The following CHCHD6 variants were observed in gnomAD, a reference collection of about 807,000 sequenced individuals.
The protein encoded by CHCHD6 is coiled-coil-helix-coiled-coil-helix domain containing 6, also known as MICOS complex subunit MIC25.
In CHCHD6, 28 loss-of-function variants were observed where a neutral mutation model predicts 32.3. The ratio of observed to expected loss-of-function variants is 0.87; its 90% CI spans 0.64 to 1.19. The LOEUF is 1.19. CHCHD6 is among the 50% of genes most tolerant of loss of function. The pLI, the probability that CHCHD6 is intolerant of heterozygous loss-of-function variation, is 0.00. For synonymous variants in CHCHD6, 122 were observed against 117.5 expected (o/e 1.04, Z -0.25); for missense variants, 333 against 307.0 (o/e 1.08, Z -0.63).
Position 126,852,634 on chromosome 3 carries a change from C to T in CHCHD6, c.412-13C>T. The T allele has an allele frequency of 6.2e-7, 1 of 1,610,886 alleles. No individual in the cohort carries two copies. On this transcript the variant is annotated splice_polypyrimidine_tract_variant and intron_variant, in intron 4 of 7. Coordinates refer to ENST00000290913, the MANE Select transcript of CHCHD6 (RefSeq NM_032343.3). ...GCTGCTGGCTAACGTGGGCTTTGTT[C>T]TCTTCCAAGCAGGCCAGGGAGCTGG...
At chr3:126,854,891 G>A (rs1380181863) in intron 5 of CHCHD6, 10 of 152,204 alleles carry the variant, frequency 6.6e-5, no homozygotes, top group Admixed American at 5.9e-4. Context: ...GTGGAATCCT[G>A]CGGCCGTCCA....
chr3:126,824,019 G>GAGCTATAATCGCCACACCACTGC, intron 4 of CHCHD6, among the ~76,000 whole-genome samples: 1 of 152,244 alleles, frequency 6.6e-6, no homozygotes, highest in South Asian at 2.1e-4. Flanking sequence ...AGGCTACAGT[G>GAGCTATAATCGCCACACCACTGC]AGCTATAATC....
chr3:126,790,053 G>A (rs1393896963), intron 4 of CHCHD6, among the ~76,000 whole-genome samples: 1 of 152,050 alleles, frequency 6.6e-6, no homozygotes, highest in Non-Finnish European at 1.5e-5. Flanking sequence ...TTGCTTGTCT[G>A]TAAAGGATTT....
chr3:126,954,383 C>T (rs1191590297), intron 6 of CHCHD6, among the ~76,000 whole-genome samples: 5 of 152,220 alleles, frequency 3.3e-5, no homozygotes, highest in Non-Finnish European at 4.4e-5. Context: ...GCTGTGTCTT[C>T]CTGCACATCG....
At chr3:126,836,282 G>C (rs1406049759) in intron 4 of CHCHD6, among the ~76,000 whole-genome samples, 2 of 152,158 alleles carry the variant, frequency 1.3e-5, no homozygotes, top group African/African-American at 2.4e-5. Context: ...TGTCATGTTT[G>C]TTCCCACTCA....
At chr3:126,867,054 T>C (rs1008023012) in intron 5 of CHCHD6, among the ~76,000 whole-genome samples, 5 of 152,228 alleles carry the variant, frequency 3.3e-5, no homozygotes, top group African/African-American at 1.2e-4. Context: ...GACCCCAGCC[T>C]GGATTTCATG....
chr3:126,944,439 G>A (rs1437618279), intron 6 of CHCHD6, among the ~76,000 whole-genome samples: 3 of 152,246 alleles, frequency 2.0e-5, no homozygotes, highest in African/African-American at 7.2e-5. Flanking sequence ...ATTCTGTGAG[G>A]ACCTTACAGC....
intron 5 of CHCHD6, among the ~76,000 whole-genome samples, chr3:126,896,655 A>T (rs1201686360): frequency 2.0e-5 from 3 of 152,132 alleles, no homozygotes; most frequent in Non-Finnish European, 4.4e-5. Context: ...TACCTGATCA[A>T]CCCGGCTGTA....
At chr3:126,909,311 G>A (rs1463872277) in intron 5 of CHCHD6, among the ~76,000 whole-genome samples, 3 of 152,178 alleles carry the variant, frequency 2.0e-5, no homozygotes, top group Non-Finnish European at 2.9e-5. Flanking sequence ...TCAGACCTCT[G>A]GGCCCCATGT....
chr3:126,868,447 T>A (rs11717714), intron 5 of CHCHD6, among the ~76,000 whole-genome samples: 21,330 of 146,928 alleles, frequency 0.15, 1,580 homozygotes, highest in Middle Eastern at 0.31. Context: ...CTTTTTTTTT[T>A]AAAAAAAAAA....
intron 6 of CHCHD6, among the ~76,000 whole-genome samples, chr3:126,943,126 T>G (rs1467898664): frequency 6.6e-6 from 1 of 152,166 alleles, no homozygotes; most frequent in Non-Finnish European, 1.5e-5. Context: ...AGCCGCCTTT[T>G]CAGCTGCCAC....
At chr3:126,783,304 C>T (rs1271769356) in intron 4 of CHCHD6, among the ~76,000 whole-genome samples, 3 of 152,176 alleles carry the variant, frequency 2.0e-5, no homozygotes, top group Non-Finnish European at 4.4e-5. Flanking sequence ...AGAAATGTTC[C>T]TCAGTATACA....
chr3:126,874,530 G>A (rs2077516317), intron 5 of CHCHD6, among the ~76,000 whole-genome samples: 1 of 152,130 alleles, frequency 6.6e-6, no homozygotes, highest in South Asian at 2.1e-4. Flanking sequence ...CAGGTGCTCT[G>A]TAGAAACCAT....
intron 1 of CHCHD6, among the ~76,000 whole-genome samples, chr3:126,722,125 C>T (rs950187171): frequency 6.6e-6 from 1 of 152,160 alleles, no homozygotes; most frequent in African/African-American, 2.4e-5. Flanking sequence ...TCTCCATATC[C>T]TCGCAAATAC....
intron 1 of CHCHD6, among the ~76,000 whole-genome samples, chr3:126,715,859 T>C (rs1934987297): frequency 6.6e-6 from 1 of 152,200 alleles, no homozygotes; most frequent in Non-Finnish European, 1.5e-5. Context: ...AGTGCACTCT[T>C]TCCTTTCTGC....
intron 4 of CHCHD6, among the ~76,000 whole-genome samples, chr3:126,833,127 ACACACACATGTACATGCACATGTG>A (rs1336181208): frequency 6.6e-6 from 1 of 152,236 alleles, no homozygotes; most frequent in Non-Finnish European, 1.5e-5. Flanking sequence ...ATGCACATGC[ACACACACATGTACATGCACATGTG>A]CACATGCTCA....
intron 4 of CHCHD6, chr3:126,767,357 G>T: frequency 1.2e-6 from 1 of 821,116 alleles, no homozygotes; most frequent in Non-Finnish European, 2.2e-6. Context: ...CTGCCCACAT[G>T]CTGCAGACAT....
intron 4 of CHCHD6, among the ~76,000 whole-genome samples, chr3:126,780,032 A>G (rs1301435563): frequency 1.3e-5 from 2 of 152,236 alleles, no homozygotes; most frequent in Non-Finnish European, 2.9e-5. Flanking sequence ...GATCCTGCCA[A>G]TGAGCTTATA....
At chr3:126,881,408 T>G (rs949435182) in intron 5 of CHCHD6, among the ~76,000 whole-genome samples, 1 of 152,240 alleles carries the variant, frequency 6.6e-6, no homozygotes, top group African/African-American at 2.4e-5. Flanking sequence ...CTGGACATGC[T>G]GAGCGCAGCT....
Sources: allele counts gnomAD v4.1 joint callset (sites outside exome capture counted in the v4.1 genomes callset), GRCh38; gene constraint gnomAD v4.1.1; transcripts MANE v1.5; gene names NCBI Gene and HGNC (gene_info 2026-07-23, HGNC 2026-07-21).